The following UNC5C variants were observed in gnomAD, a reference collection of about 807,000 sequenced individuals.
The protein encoded by UNC5C is netrin receptor UNC5C.
Under a neutral mutation model 99.8 loss-of-function variants are expected in UNC5C, and 47 were observed. The ratio of observed to expected loss-of-function variants is 0.47; its 90% CI spans 0.37 to 0.60. UNC5C has a LOEUF of 0.60. UNC5C is among the 20% of genes least tolerant of loss of function. UNC5C has a pLI of 0.00. For synonymous variants in UNC5C, 487 were observed against 452.2 expected, an observed-to-expected ratio of 1.08 and a Z score of -0.98; for missense variants, 1,062 against 1,165.9, an observed-to-expected ratio of 0.91 and a Z score of 1.30.
Position 95,415,308 on chromosome 4 carries a change from G to T in UNC5C, c.125-79677C>A, listed in dbSNP as rs374457382. The stretch of plus-strand genomic sequence containing the variant: ...CTTCAAAGTTCCCAAATACAAGAGG[G>T]CAGTGATCCTCAAGTAGCTCAGCAA... On this transcript the variant is annotated intron_variant, in intron 1 of 15. Coordinates refer to ENST00000453304, the MANE Select transcript of UNC5C (RefSeq NM_003728.4). Among the ~76,000 whole-genome samples, 31 of 152,002 alleles carry T rather than the reference G, an allele frequency of 2.0e-4. No homozygotes were observed. The South Asian group carries it at 5.0e-3, about 24-fold the overall frequency.
At chr4:95,309,377 G>A (rs1472656184) in intron 2 of UNC5C, among the ~76,000 whole-genome samples, 1 of 152,000 alleles carries the variant, frequency 6.6e-6, no homozygotes, top group Non-Finnish European at 1.5e-5. Context: ...TTTGGGCAAT[G>A]ATTTTTTTAA....
At position 95,424,518 on chromosome 4, in the gene UNC5C, C is replaced by CTTTCTTTTTTTTTTTTTTT. The variant is rs1746411107; in HGVS notation, c.125-88888_125-88887insAAAAAAAAAAAAAAAGAAA. ...GGCTTCAGAATTTTTTTTTTCTTTTCTTTTTTTTTTTTTTTTTTTTTGAGA... is the reference window on the plus strand; with the variant it reads ...GGCTTCAGAATTTTTTTTTTCTTTTCTTTCTTTTTTTTTTTTTTTTTTTTTTTTTTTTTTTTTTTTGAGA... On this transcript the variant is annotated intron_variant, in intron 1 of 15. Coordinates refer to ENST00000453304, the MANE Select transcript of UNC5C (RefSeq NM_003728.4). Among the ~76,000 whole-genome samples the CTTTCTTTTTTTTTTTTTTT allele has an allele frequency of 5.0e-3, 338 of 67,956 alleles. 10 individuals carry two copies. The highest frequency in any genetic ancestry group is 6.3e-3 in the Non-Finnish European group (233 of 37,212). 44.6% of individuals were successfully genotyped at this position (67,956 alleles called of 152,430 possible). A position where few individuals can be genotyped will look rare whatever the true frequency, so the allele number is the denominator to read the frequency against.
chr4:95,192,494 TCTCACCTCTCCTCCCCTG>T (rs1397588609), intron 12 of UNC5C, among the ~76,000 whole-genome samples: 3 of 97,400 alleles, frequency 3.1e-5, no homozygotes, highest in African/African-American at 1.2e-4. Context: ...CTCTTCCCCT[TCTCACCTCTCCTCCCCTG>T]CTCACCTCCT....
chr4:95,339,738 T>G (rs1370295258), intron 1 of UNC5C, among the ~76,000 whole-genome samples: 1 of 152,118 alleles, frequency 6.6e-6, no homozygotes, highest in Non-Finnish European at 1.5e-5. Flanking sequence ...GCTGCTGGTA[T>G]TGACTGCATT....
intron 2 of UNC5C, among the ~76,000 whole-genome samples, chr4:95,305,793 G>A (rs1742041017): frequency 6.6e-6 from 1 of 152,130 alleles, no homozygotes; most frequent in African/African-American, 2.4e-5. Context: ...GTATGAGTGT[G>A]CACTTGTTAA....
intron 1 of UNC5C, among the ~76,000 whole-genome samples, chr4:95,351,534 A>G (rs554729917): frequency 6.6e-6 from 1 of 152,156 alleles, no homozygotes; most frequent in African/African-American, 2.4e-5. Context: ...AAAAAATTCT[A>G]TGTGGCCAGG....
intron 4 of UNC5C, among the ~76,000 whole-genome samples, chr4:95,254,054 G>T (rs569090962): frequency 1.3e-5 from 2 of 152,316 alleles, no homozygotes; most frequent in Admixed American, 1.3e-4. Context: ...ATGTGCCACT[G>T]GGTCTGGGGA....
intron 3 of UNC5C, among the ~76,000 whole-genome samples, chr4:95,294,825 A>G (rs1407998764): frequency 6.6e-6 from 1 of 152,202 alleles, no homozygotes; most frequent in Non-Finnish European, 1.5e-5. Context: ...TTCGCTGAGC[A>G]TTTGCACTGT....
At chr4:95,492,198 T>C (rs1025964930) in intron 1 of UNC5C, among the ~76,000 whole-genome samples, 1 of 151,568 alleles carries the variant, frequency 6.6e-6, no homozygotes, top group Admixed American at 6.6e-5. Context: ...GTTTATTTTA[T>C]GAATAGCTAC....
chr4:95,449,940 G>A (rs1747233542), intron 1 of UNC5C, among the ~76,000 whole-genome samples: 1 of 152,178 alleles, frequency 6.6e-6, no homozygotes, highest in Non-Finnish European at 1.5e-5. Context: ...TCTTCAGACT[G>A]CAGTGGAAAA....
intron 1 of UNC5C, among the ~76,000 whole-genome samples, chr4:95,543,305 A>C (rs1722963520): frequency 6.6e-6 from 1 of 152,160 alleles, no homozygotes; most frequent in African/African-American, 2.4e-5. Context: ...TGCCCTACAA[A>C]TCTCTTATTT....
chr4:95,183,302 G>A (rs935829468), intron 13 of UNC5C, among the ~76,000 whole-genome samples: 1 of 151,962 alleles, frequency 6.6e-6, no homozygotes, highest in Non-Finnish European at 1.5e-5. Context: ...TGAACCTAAG[G>A]AGTCAGCCTC....
intron 2 of UNC5C, among the ~76,000 whole-genome samples, chr4:95,323,852 A>G (rs895338060): frequency 4.6e-5 from 7 of 152,160 alleles, no homozygotes; most frequent in African/African-American, 1.4e-4. Flanking sequence ...CCTGGCCAAC[A>G]TGGTGAAACC....
intron 1 of UNC5C, among the ~76,000 whole-genome samples, chr4:95,380,696 C>G (rs1464711610): frequency 6.6e-6 from 1 of 152,148 alleles, no homozygotes; most frequent in African/African-American, 2.4e-5. Context: ...ATTTTTCTTA[C>G]CTTTCTGTGT....
chr4:95,361,200 T>A (rs566905616), intron 1 of UNC5C, among the ~76,000 whole-genome samples: 1 of 152,316 alleles, frequency 6.6e-6, no homozygotes, highest in Non-Finnish European at 1.5e-5. Flanking sequence ...TGTGATAAAG[T>A]ACTGGATTTG....
At chr4:95,403,798 G>T (rs1332528439) in intron 1 of UNC5C, among the ~76,000 whole-genome samples, 1 of 152,162 alleles carries the variant, frequency 6.6e-6, no homozygotes, top group African/African-American at 2.4e-5. Context: ...TGTTTCCTCA[G>T]TAGTGTCTCT....
chr4:95,489,038 T>C (rs1429929887), intron 1 of UNC5C, among the ~76,000 whole-genome samples: 10 of 143,078 alleles, frequency 7.0e-5, no homozygotes, highest in Non-Finnish European at 1.5e-5. Context: ...AATGAGTATA[T>C]TCCAAAAGAA....
chr4:95,184,594 GT>G (rs1314151702), intron 13 of UNC5C, among the ~76,000 whole-genome samples: 2 of 152,056 alleles, frequency 1.3e-5, no homozygotes, highest in East Asian at 3.9e-4. Context: ...TCCTGATTGG[GT>G]TTTACTTTTA....
intron 1 of UNC5C, among the ~76,000 whole-genome samples, chr4:95,526,498 T>C (rs1036413872): frequency 2.0e-5 from 3 of 152,118 alleles, no homozygotes; most frequent in Non-Finnish European, 4.4e-5. Flanking sequence ...CAAGCTATAC[T>C]TTAAATTTAA....
Sources: gnomAD v4.1 joint callset for allele counts (sites outside exome capture counted in the v4.1 genomes callset) on GRCh38, gnomAD v4.1.1 for gene constraint, MANE v1.5 for transcripts, NCBI Gene and HGNC (gene_info 2026-07-23, HGNC 2026-07-21) for gene names.